Variants in LRRC7 observed in about 807,000 individuals in gnomAD.
LRRC7 encodes the protein leucine-rich repeat-containing protein 7.
A neutral mutation model predicts 175.7 loss-of-function variants in LRRC7; 23 were observed. That is an observed-to-expected ratio of 0.13 (90% CI 0.09 to 0.19). The LOEUF (loss-of-function observed/expected upper bound fraction) is 0.19, where lower values mean the gene tolerates loss of function less well. Ranked by LOEUF, LRRC7 falls within the 10% of genes least tolerant of loss-of-function variation. The pLI is 1.00. For synonymous variants in LRRC7, 685 were observed against 680.9 expected (o/e 1.01, Z -0.09); for missense variants, 1,354 against 1,904.7 (o/e 0.71, Z 5.38).
At chr1:69,619,234 C>A (rs936136510) in intron 1 of LRRC7, among the ~76,000 whole-genome samples, 3 of 152,120 alleles carry the variant, frequency 2.0e-5, no homozygotes, top group South Asian at 4.1e-4. Flanking sequence ...AAACTATTTT[C>A]TCAATAATAT....
At chr1:69,762,649 G>A (rs1022895260) in intron 3 of LRRC7, among the ~76,000 whole-genome samples, 7 of 151,992 alleles carry the variant, frequency 4.6e-5, no homozygotes, top group South Asian at 2.1e-4. Flanking sequence ...ACATAGTATT[G>A]TTTGGCTTAA....
At chr1:70,114,433 G>A (rs1665720125) in intron 26 of LRRC7, among the ~76,000 whole-genome samples, 1 of 152,100 alleles carries the variant, frequency 6.6e-6, no homozygotes, top group African/African-American at 2.4e-5. Context: ...GGAGGCAGAG[G>A]CAGGAGGATT....
chr1:69,822,814 G>T (rs1160028984), intron 4 of LRRC7, among the ~76,000 whole-genome samples: 1 of 152,152 alleles, frequency 6.6e-6, no homozygotes, highest in East Asian at 1.9e-4. Context: ...GCTGGAATTT[G>T]TCCGCTGGAC....
chr1:69,576,756 T>C (rs1645966648), intron 1 of LRRC7, among the ~76,000 whole-genome samples: 1 of 152,216 alleles, frequency 6.6e-6, no homozygotes, highest in Non-Finnish European at 1.5e-5. Context: ...GCTTTCAGTG[T>C]ACTGTTCAGA....
At chr1:69,594,942 A>G (rs1312283687) in intron 1 of LRRC7, among the ~76,000 whole-genome samples, 1 of 152,222 alleles carries the variant, frequency 6.6e-6, no homozygotes, top group African/African-American at 2.4e-5. Flanking sequence ...AGAGTTTTTC[A>G]TCAGTCCCTT....
At chr1:69,786,080 T>A (rs1569853266) in intron 3 of LRRC7, among the ~76,000 whole-genome samples, 1 of 152,274 alleles carries the variant, frequency 6.6e-6, no homozygotes, top group Non-Finnish European at 1.5e-5. Flanking sequence ...TATTATATAT[T>A]TAGTGATTTT....
At chr1:69,861,780 C>G (rs1478684238) in intron 7 of LRRC7, among the ~76,000 whole-genome samples, 1 of 152,168 alleles carries the variant, frequency 6.6e-6, no homozygotes, top group Non-Finnish European at 1.5e-5. Flanking sequence ...ACCGGAGGCT[C>G]TTTGCTTTAT....
chr1:69,909,262 C>A (rs989687607), intron 7 of LRRC7, among the ~76,000 whole-genome samples: 1 of 152,074 alleles, frequency 6.6e-6, no homozygotes, highest in African/African-American at 2.4e-5. Context: ...GCATTTAGCC[C>A]ATTTTCATTT....
chr1:69,864,795 A>G (rs1180842538), intron 7 of LRRC7, among the ~76,000 whole-genome samples: 1 of 152,208 alleles, frequency 6.6e-6, no homozygotes, highest in Non-Finnish European at 1.5e-5. Flanking sequence ...TAACAAGCAG[A>G]GTCAATACCC....
At chr1:70,111,722 T>C (rs1665540570) in intron 26 of LRRC7, among the ~76,000 whole-genome samples, 1 of 152,206 alleles carries the variant, frequency 6.6e-6, no homozygotes, top group Admixed American at 6.5e-5. Flanking sequence ...CTGTACCTGA[T>C]AGTTAACAAC....
At chr1:69,796,821 C>CAAA (rs1675841095) in intron 4 of LRRC7, among the ~76,000 whole-genome samples, 3 of 151,814 alleles carry the variant, frequency 2.0e-5, no homozygotes, top group Admixed American at 2.0e-4. Flanking sequence ...ACAACAACAA[C>CAAA]AAAAAACAGA....
At chr1:69,931,904 T>C (rs1647423028) in intron 8 of LRRC7, among the ~76,000 whole-genome samples, 1 of 152,188 alleles carries the variant, frequency 6.6e-6, no homozygotes, top group Admixed American at 6.5e-5. Context: ...AGCTATTAAG[T>C]GCCTGAACAG....
rs117268830 is a variant in LRRC7, at chr1:69,617,746, A to G, written c.2+49105A>G. Among the ~76,000 whole-genome samples, 126 of 151,916 alleles carry G rather than the reference A, an allele frequency of 8.3e-4. 1 individual carries two copies. In the East Asian group the frequency reaches 0.02, roughly 24 times the overall value. On this transcript the variant is annotated intron_variant, in intron 1 of 26. Coordinates refer to ENST00000651989, the MANE Select transcript of LRRC7 (RefSeq NM_001370785.2). ...GTATCTGTTTTACACTTCTTCCCAC[A>G]CATAGGGTGTACTCACTCCTCCTCA...
intron 9 of LRRC7, among the ~76,000 whole-genome samples, chr1:69,985,433 G>C (rs1008877668): frequency 2.0e-5 from 3 of 152,048 alleles, no homozygotes; most frequent in South Asian, 2.1e-4. Flanking sequence ...TTCTTTAGTT[G>C]GGAGTTATTT....
intron 7 of LRRC7, chr1:69,874,483 T>C (rs1002465908): frequency 6.6e-6 from 1 of 152,148 alleles, no homozygotes; most frequent in Non-Finnish European, 1.5e-5. Flanking sequence ...ATACAAATAA[T>C]TTACAATGAT....
intron 1 of LRRC7, among the ~76,000 whole-genome samples, chr1:69,641,147 A>T (rs948658830): frequency 1.3e-5 from 2 of 151,646 alleles, no homozygotes; most frequent in African/African-American, 2.4e-5. Flanking sequence ...AACTTTTTAC[A>T]TTAGGAATAA....
intron 4 of LRRC7, among the ~76,000 whole-genome samples, chr1:69,819,402 A>G (rs1032488966): frequency 3.9e-4 from 60 of 151,944 alleles, no homozygotes; most frequent in African/African-American, 1.4e-3. Flanking sequence ...TTCTGGTTTT[A>G]TATATATCAT....
chr1:70,075,776 G>A (rs548748260), intron 23 of LRRC7, among the ~76,000 whole-genome samples: 141 of 152,066 alleles, frequency 9.3e-4, no homozygotes, highest in Non-Finnish European at 1.6e-3. Flanking sequence ...TTTAAGTTGC[G>A]ACTTAATTTT....
At chr1:69,735,910 A>G (rs1459568945) in intron 2 of LRRC7, among the ~76,000 whole-genome samples, 2 of 151,714 alleles carry the variant, frequency 1.3e-5, no homozygotes, top group Non-Finnish European at 2.9e-5. Flanking sequence ...CCCACACATT[A>G]TCACTATTGG....
Sources: allele counts gnomAD v4.1 joint callset (sites outside exome capture counted in the v4.1 genomes callset), GRCh38; gene constraint gnomAD v4.1.1; transcripts MANE v1.5; gene names NCBI Gene and HGNC (gene_info 2026-07-23, HGNC 2026-07-21).